The following IMMP2L variants were observed in gnomAD, a reference collection of about 807,000 sequenced individuals.
The protein encoded by IMMP2L is mitochondrial inner membrane protease subunit 2.
A neutral mutation model predicts 19.3 loss-of-function variants in IMMP2L; 18 were observed. That is an observed-to-expected ratio of 0.93 (90% CI 0.64 to 1.38). The LOEUF (loss-of-function observed/expected upper bound fraction) is 1.38, where lower values mean the gene tolerates loss of function less well. IMMP2L is among the 40% of genes most tolerant of loss of function. IMMP2L has a pLI of 0.00. For synonymous variants in IMMP2L, 76 were observed against 73.0 expected (o/e 1.04, Z -0.21); for missense variants, 233 against 218.2 (o/e 1.07, Z -0.43).
At chr7:111,504,509 A>G (rs1434277551) in intron 2 of IMMP2L, among the ~76,000 whole-genome samples, 2 of 151,888 alleles carry the variant, frequency 1.3e-5, no homozygotes, top group African/African-American at 2.4e-5. Flanking sequence ...AGCCTGCATC[A>G]CCAAGTCAAT....
intron 5 of IMMP2L, among the ~76,000 whole-genome samples, chr7:110,688,356 T>C (rs1210990129): frequency 6.6e-6 from 1 of 152,096 alleles, no homozygotes; most frequent in Non-Finnish European, 1.5e-5. Context: ...ACAAAAATGG[T>C]ATGACTACAA....
At chr7:110,898,715 G>C (rs1244889971) in intron 4 of IMMP2L, among the ~76,000 whole-genome samples, 1 of 151,362 alleles carries the variant, frequency 6.6e-6, no homozygotes, top group Admixed American at 6.6e-5. Flanking sequence ...CATACTGATG[G>C]GCTGAGTCTA....
rs188895624 is a variant in IMMP2L, at chr7:111,394,740, A to C, written c.239+92498T>G. The C allele has an allele frequency of 3.4e-3, 528 of 155,422 alleles. 7 individuals are homozygous for C. Among genetic ancestry groups the C allele is most frequent in the African/African-American group, 0.012 (510 of 41,606 alleles). 9.6% of individuals were successfully genotyped at this position (155,422 alleles called of 1,614,324 possible). A position where few individuals can be genotyped will look rare whatever the true frequency, so the allele number is the denominator to read the frequency against. ...AAACCTAGGAATCTCATTGGAAAAT[A>C]GACTATAAGACAATTCCATGGTTAT... On this transcript the variant is annotated intron_variant, in intron 3 of 5. Transcript: ENST00000405709.
At chr7:110,941,150 G>C (rs575714758) in intron 4 of IMMP2L, among the ~76,000 whole-genome samples, 4 of 152,108 alleles carry the variant, frequency 2.6e-5, no homozygotes, top group Non-Finnish European at 5.9e-5. Flanking sequence ...TGTGCATTTC[G>C]CATCTCCAGC....
intron 3 of IMMP2L, among the ~76,000 whole-genome samples, chr7:111,137,716 C>A (rs1802483333): frequency 6.6e-6 from 1 of 152,168 alleles, no homozygotes; most frequent in African/African-American, 2.4e-5. Context: ...CAAAGGAGAA[C>A]AGAAACTAGT....
chr7:110,996,425 C>T (rs751731174), intron 3 of IMMP2L, among the ~76,000 whole-genome samples: 34 of 152,068 alleles, frequency 2.2e-4, no homozygotes, highest in South Asian at 2.1e-4. Flanking sequence ...TTATGTCAGA[C>T]AATACAGAAC....
intron 4 of IMMP2L, among the ~76,000 whole-genome samples, chr7:110,918,166 C>T (rs1019149425): frequency 5.9e-5 from 9 of 152,032 alleles, no homozygotes; most frequent in Admixed American, 2.6e-4. Context: ...ATATTATAGC[C>T]TAAGATAGTG....
chr7:111,124,274 T>C, intron 3 of IMMP2L: 1 of 1,614,008 alleles, frequency 6.2e-7, no homozygotes. Flanking sequence ...GCAACTAACC[T>C]AGTTGGCGCT....
chr7:111,550,990 A>C (rs968096156), intron 1 of IMMP2L, among the ~76,000 whole-genome samples: 1 of 152,200 alleles, frequency 6.6e-6, no homozygotes, highest in Non-Finnish European at 1.5e-5. Flanking sequence ...GAGTTGATAC[A>C]AATTTGTTTA....
intron 3 of IMMP2L, chr7:111,483,441 A>T (rs1006171562): frequency 2.7e-5 from 4 of 149,806 alleles, no homozygotes; most frequent in African/African-American, 1.0e-4. Flanking sequence ...TGCCACCTAC[A>T]TATACTATAG....
At chr7:111,009,658 T>C (rs931627214) in intron 3 of IMMP2L, among the ~76,000 whole-genome samples, 1 of 152,262 alleles carries the variant, frequency 6.6e-6, no homozygotes, top group African/African-American at 2.4e-5. Context: ...TTATTTTTTG[T>C]TTTTGTTTTC....
intron 3 of IMMP2L, among the ~76,000 whole-genome samples, chr7:111,066,421 T>C (rs1794506361): frequency 6.6e-6 from 1 of 151,982 alleles, no homozygotes; most frequent in African/African-American, 2.4e-5. Flanking sequence ...ATATTAACAA[T>C]AAAAACAAAG....
At chr7:111,485,597 CAAAAAAAAA>C (rs71147477) in intron 3 of IMMP2L, among the ~76,000 whole-genome samples, 50 of 50,590 alleles carry the variant, frequency 9.9e-4, no homozygotes, top group Middle Eastern at 0.025. Context: ...GACTCTGTTT[CAAAAAAAAA>C]AAAAAAAAAA....
At chr7:111,400,778 A>G (rs2131405595) in intron 3 of IMMP2L, among the ~76,000 whole-genome samples, 1 of 152,240 alleles carries the variant, frequency 6.6e-6, no homozygotes, top group East Asian at 1.9e-4. Context: ...GGAAATGCGT[A>G]TGACATTAGA....
At chr7:111,031,456 A>G (rs528989022) in intron 3 of IMMP2L, among the ~76,000 whole-genome samples, 1 of 151,808 alleles carries the variant, frequency 6.6e-6, no homozygotes, top group African/African-American at 2.4e-5. Flanking sequence ...AAGGGACACC[A>G]AAGCCAACTA....
At chr7:110,990,844 G>A (rs577433181) in intron 3 of IMMP2L, among the ~76,000 whole-genome samples, 180 of 152,240 alleles carry the variant, frequency 1.2e-3, no homozygotes, top group African/African-American at 4.1e-3. Flanking sequence ...AGACCTAACT[G>A]TACTGTCCTG....
At chr7:110,843,987 G>A (rs1429692360) in intron 5 of IMMP2L, among the ~76,000 whole-genome samples, 5 of 152,128 alleles carry the variant, frequency 3.3e-5, no homozygotes, top group South Asian at 2.1e-4. Flanking sequence ...ACTGGGTTTC[G>A]TGCTAAGACT....
At chr7:111,435,596 T>C (rs1837081084) in intron 3 of IMMP2L, among the ~76,000 whole-genome samples, 1 of 151,846 alleles carries the variant, frequency 6.6e-6, no homozygotes, top group Admixed American at 6.6e-5. Context: ...ATTCAGGTGA[T>C]GGGCACACTA....
chr7:111,227,892 T>C (rs1245058462), intron 3 of IMMP2L, among the ~76,000 whole-genome samples: 1 of 152,114 alleles, frequency 6.6e-6, no homozygotes, highest in Non-Finnish European at 1.5e-5. Flanking sequence ...AGTAAATCAA[T>C]ACCTTGGAAT....
Sources: allele counts gnomAD v4.1 joint callset (sites outside exome capture counted in the v4.1 genomes callset), GRCh38; gene constraint gnomAD v4.1.1; transcripts MANE v1.5; gene names NCBI Gene and HGNC (gene_info 2026-07-23, HGNC 2026-07-21).